The following PRORP variants were observed in gnomAD, a reference collection of about 807,000 sequenced individuals.
PRORP encodes protein only RNase P catalytic subunit.
Under a neutral mutation model 59.4 loss-of-function variants are expected in PRORP, and 51 were observed. That is an observed-to-expected ratio of 0.86 (90% confidence interval 0.69 to 1.08). PRORP has a LOEUF of 1.08. Ranked by LOEUF, PRORP falls within the 50% of genes least tolerant of loss-of-function variation. The pLI, the probability that PRORP is intolerant of heterozygous loss-of-function variation, is 0.00. For synonymous variants in PRORP, 231 were observed against 245.6 expected (o/e 0.94, Z 0.55); for missense variants, 646 against 690.3 (o/e 0.94, Z 0.72).
Position 35,136,959 on chromosome 14 carries a change from C to T in PRORP, c.1167+9348C>T, listed in dbSNP as rs1406935026. 2.1e-5 allele frequency among the ~76,000 whole-genome samples: 3 copies of T among 145,346 alleles called. 1 individual carries two copies. Reference sequence around the variant, plus strand: ...AGAAAGAATCTATTCAGTACAGTGTCACAAATATCAAAACAGAGTGCAATA... The same window carrying T: ...AGAAAGAATCTATTCAGTACAGTGTTACAAATATCAAAACAGAGTGCAATA... On this transcript the variant is annotated intron_variant, in intron 4 of 7. Coordinates refer to ENST00000534898, the MANE Select transcript of PRORP (RefSeq NM_014672.4).
chr14:35,197,856 G>A (rs1264638716), intron 5 of PRORP, among the ~76,000 whole-genome samples: 5 of 152,166 alleles, frequency 3.3e-5, no homozygotes, highest in Admixed American at 3.3e-4. Flanking sequence ...AATAAGCTTA[G>A]GGAAATAAAA....
At chr14:35,233,704 C>T (rs939479385) in intron 5 of PRORP, among the ~76,000 whole-genome samples, 1 of 151,142 alleles carries the variant, frequency 6.6e-6, no homozygotes, top group Non-Finnish European at 1.5e-5. Context: ...TAATTTTTTT[C>T]GTTTCCTTTT....
At chr14:35,227,599 T>TC in intron 5 of PRORP, among the ~76,000 whole-genome samples, 1 of 152,218 alleles carries the variant, frequency 6.6e-6, no homozygotes, top group East Asian at 1.9e-4. Flanking sequence ...TTCTTCCTCT[T>TC]CCATCCTGGT....
At chr14:35,262,840 T>G in intron 5 of PRORP, 2 of 1,499,046 alleles carry the variant, frequency 1.3e-6, no homozygotes, top group Non-Finnish European at 1.9e-6. Context: ...AGGGTTCGGA[T>G]GAGAACAGGT....
At chr14:35,153,208 C>T (rs560091748) in intron 4 of PRORP, among the ~76,000 whole-genome samples, 5 of 152,324 alleles carry the variant, frequency 3.3e-5, no homozygotes, top group South Asian at 2.1e-4. Flanking sequence ...GCCAACACAG[C>T]GAAACCCCGT....
intron 5 of PRORP, among the ~76,000 whole-genome samples, chr14:35,191,296 T>C (rs1476425370): frequency 6.6e-6 from 1 of 152,230 alleles, no homozygotes; most frequent in African/African-American, 2.4e-5. Context: ...CCCACCGCCA[T>C]GTAAGACGTG....
intron 1 of PRORP, 88 bp downstream of exon 1, chr14:35,122,723 TC>T: frequency 1.3e-5 from 2 of 156,530 alleles, no homozygotes; most frequent in Non-Finnish European, 2.8e-5. Context: ...TCCCTCCTCG[TC>T]CCCCCACCGG....
At chr14:35,235,951 C>G (rs1264143748) in intron 5 of PRORP, among the ~76,000 whole-genome samples, 2 of 151,780 alleles carry the variant, frequency 1.3e-5, no homozygotes, top group Non-Finnish European at 2.9e-5. Flanking sequence ...AAAAAATTAG[C>G]CAGGCAGAGT....
At position 35,123,019 on chromosome 14, in the gene PRORP, C is replaced by G; in HGVS notation, c.-227C>G. On this transcript the variant is annotated 5_prime_UTR_variant, in exon 2 of 8. Transcript: ENST00000534898. ...CTGTCCCCTGGTTTGCGGCTTGCGA[C>G]GTTGGACATCCCCGGATTGTTGTTT... is the stretch of plus-strand genomic sequence containing the variant. 1.9e-6 allele frequency: 1 copy of G among 528,956 alleles called. No homozygotes were observed. The highest frequency in any genetic ancestry group is 2.3e-5 in the South Asian group (1 of 42,698). The allele number at this position is 528,956 out of a possible 1,614,324, so 32.8% of individuals were successfully genotyped here.
intron 5 of PRORP, chr14:35,235,220 T>C: frequency 1.4e-6 from 1 of 720,624 alleles, no homozygotes; most frequent in Non-Finnish European, 2.5e-6. Context: ...CTTTTCGAGC[T>C]TGGTGATGCG....
chr14:35,126,063 G>T (rs2047089729), intron 2 of PRORP, among the ~76,000 whole-genome samples: 1 of 152,126 alleles, frequency 6.6e-6, no homozygotes, highest in Admixed American at 6.6e-5. Flanking sequence ...TACAAAGGCA[G>T]TTGCCAAGTG....
intron 5 of PRORP, among the ~76,000 whole-genome samples, chr14:35,212,062 A>C (rs1378522878): frequency 6.6e-6 from 1 of 152,212 alleles, no homozygotes; most frequent in Non-Finnish European, 1.5e-5. Flanking sequence ...TTCTGTCTCA[A>C]GAAACCATTT....
At chr14:35,180,903 A>C in intron 5 of PRORP, 126 bp downstream of exon 5, 1 of 626,094 alleles carries the variant, frequency 1.6e-6, no homozygotes, top group African/African-American at 1.9e-5. Context: ...TCAGGGTGCC[A>C]CAGTGACCAA....
chr14:35,200,288 G>C (rs2049114790), intron 5 of PRORP, among the ~76,000 whole-genome samples: 2 of 152,072 alleles, frequency 1.3e-5, no homozygotes, highest in South Asian at 4.1e-4. Context: ...CACCTCCCGG[G>C]TTCAAGCAAT....
In PRORP at chr14:35,163,122, T is replaced by C. The variant is rs183174935; in HGVS notation, c.1168-17548T>C. 1.5e-3 allele frequency among the ~76,000 whole-genome samples: 233 copies of C among 152,258 alleles called. 2 individuals are homozygous for C. The highest frequency in any genetic ancestry group is 5.4e-3 in the African/African-American group (225 of 41,580). Reference sequence around the variant, plus strand: ...ATAAACTTACCAGAGGTAAATATTATAGGCCTCTGATAAAATGTATTAATA... The same window carrying C: ...ATAAACTTACCAGAGGTAAATATTACAGGCCTCTGATAAAATGTATTAATA... On this transcript the variant is annotated intron_variant, in intron 4 of 7. Transcript: ENST00000534898.
intron 5 of PRORP, among the ~76,000 whole-genome samples, chr14:35,237,733 A>G (rs1319645595): frequency 6.6e-6 from 1 of 152,148 alleles, no homozygotes; most frequent in Non-Finnish European, 1.5e-5. Context: ...ATCTCGGCTC[A>G]CTGCAACCTC....
rs377696969 is a variant in PRORP at position 35,170,944 on chromosome 14, G to A, written c.1168-9726G>A. ...GGCTCACCGCAACCTCTGCCTCCCCGGTTCAAGCAATTCTTCTGCCTCAGA... is the reference window on the plus strand; with the variant it reads ...GGCTCACCGCAACCTCTGCCTCCCCAGTTCAAGCAATTCTTCTGCCTCAGA... On this transcript the variant is annotated intron_variant, in intron 4 of 7. Transcript: ENST00000534898. Among the ~76,000 whole-genome samples, 23 of 151,356 alleles carry A rather than the reference G, an allele frequency of 1.5e-4. No homozygotes were observed. In the East Asian group the frequency reaches 3.9e-3, roughly 26 times the overall value.
At chr14:35,170,648 G>T (rs1006580529) in intron 4 of PRORP, among the ~76,000 whole-genome samples, 1 of 152,010 alleles carries the variant, frequency 6.6e-6, no homozygotes, top group Non-Finnish European at 1.5e-5. Flanking sequence ...ATAGTGCTAT[G>T]ATAATTTTTG....
At chr14:35,230,103 A>AGTGCAGTG (rs1248183952) in intron 5 of PRORP, among the ~76,000 whole-genome samples, 1 of 133,876 alleles carries the variant, frequency 7.5e-6, no homozygotes, top group Non-Finnish European at 1.5e-5. Context: ...CCCAGGCTGG[A>AGTGCAGTG]GTGCAGTGGT....
Sources: allele counts gnomAD v4.1 joint callset (sites outside exome capture counted in the v4.1 genomes callset), GRCh38; gene constraint gnomAD v4.1.1; transcripts MANE v1.5; gene names NCBI Gene and HGNC (gene_info 2026-07-23, HGNC 2026-07-21).